Variants in PANK2 observed in about 807,000 individuals in gnomAD.
PANK2 encodes the protein pantothenate kinase 2, mitochondrial.
PANK2 carries 36 observed loss-of-function variants against 43.1 expected under a neutral mutation model. The observed-to-expected ratio is 0.84, with a 90% CI of 0.64 to 1.10. The LOEUF is 1.10. Among genes scored for constraint, PANK2 ranks in the 50% least tolerant of loss-of-function variants. The probability of loss-of-function intolerance (pLI) is 0.00; values close to 1 mark genes in which losing one functional copy is unlikely to be tolerated. For missense variants in PANK2, 576 were observed against 593.3 expected (o/e 0.97, Z 0.30); for synonymous variants, 281 against 238.2 (o/e 1.18, Z -1.66).
rs980797436 is a variant in PANK2 at position 3,909,221 on chromosome 20, C to T, written c.651+943C>T. Among the ~76,000 whole-genome samples, 3 of 152,334 alleles carry T rather than the reference C, an allele frequency of 2.0e-5. No homozygotes were observed. In the South Asian group the frequency reaches 6.2e-4, roughly 32 times the overall value. ...TCAGCCTCCCAAGTAGCTGGGATTA[C>T]AGGCATGTGCCACCACGCCCGGCTA... On this transcript the variant is annotated intron_variant, in intron 2 of 6. Coordinates refer to ENST00000610179, the MANE Select transcript of PANK2 (RefSeq NM_001386393.1).
intron 6 of PANK2, among the ~76,000 whole-genome samples, chr20:3,922,413 C>T (rs1255890397): frequency 1.3e-5 from 2 of 152,246 alleles, no homozygotes. Context: ...TGTCGTCTCT[C>T]AGCTGCTGCT....
At chr20:3,896,863 G>A (rs6139230) in intron 1 of PANK2, among the ~76,000 whole-genome samples, 2 of 152,128 alleles carry the variant, frequency 1.3e-5, no homozygotes, top group African/African-American at 4.8e-5. Context: ...GTGTTTCTTA[G>A]GTTCTGTGAT....
intron 5 of PANK2, among the ~76,000 whole-genome samples, chr20:3,918,172 A>G (rs1217580250): frequency 1.3e-5 from 2 of 152,192 alleles, no homozygotes; most frequent in African/African-American, 2.4e-5. Flanking sequence ...TTAGCGGTGA[A>G]TGAGTGGATT....
At chr20:3,904,678 C>T (rs934969162) in intron 1 of PANK2, among the ~76,000 whole-genome samples, 1 of 151,944 alleles carries the variant, frequency 6.6e-6, no homozygotes, top group African/African-American at 2.4e-5. Flanking sequence ...TTTTTGCAGC[C>T]ACACACATCT....
intron 1 of PANK2, among the ~76,000 whole-genome samples, chr20:3,899,703 C>CTTTTTTTTTTTTTTTTTTTTTTTTT: frequency 1.1e-5 from 1 of 89,026 alleles, no homozygotes; most frequent in Non-Finnish European, 2.2e-5. Context: ...ATCAGTTGTA[C>CTTTTTTTTTTTTTTTTTTTTTTTTT]TTTTTTTTTT....
chr20:3,915,704 G>A (rs71647845), intron 4 of PANK2, among the ~76,000 whole-genome samples: 1,609 of 152,274 alleles, frequency 0.011, 30 homozygotes, highest in African/African-American at 0.036. Flanking sequence ...TGGATATCCA[G>A]TTGTCCTAGT....
rs143807557 is a variant in PANK2 at position 3,902,567 on chromosome 20, C to T, written c.299-5359C>T. On this transcript the variant is annotated intron_variant, in intron 1 of 6. Coordinates refer to ENST00000610179, the MANE Select transcript of PANK2 (RefSeq NM_001386393.1). ...GTGCTAGGATTACAAGCATGAGCCA[C>T]CGCACCTGGCCTAGTTTTTTTTTTT... Among the ~76,000 whole-genome samples, 1,369 of 140,610 alleles carry T rather than the reference C, an allele frequency of 9.7e-3. 25 individuals carry two copies. Among genetic ancestry groups the T allele is most frequent in the African/African-American group, 0.034 (1,293 of 37,942 alleles). The allele number at this position is 140,610 out of a possible 152,430, so 92.2% of individuals were successfully genotyped here. A position where few individuals can be genotyped will look rare whatever the true frequency, so the allele number is the denominator to read the frequency against.
At position 3,927,943 on chromosome 20, in the gene PANK2, T is replaced by TAACA. The variant is rs2090749568; in HGVS notation, c.*4651_*4654dup. 6.6e-6 allele frequency: 1 copy of TAACA among 152,220 alleles called. No homozygotes were observed. Among genetic ancestry groups the TAACA allele is most frequent in the African/African-American group, 2.4e-5 (1 of 41,446 alleles). The allele number at this position is 152,220 out of a possible 1,614,324, so 9.4% of individuals were successfully genotyped here. On this transcript the variant is annotated 3_prime_UTR_variant, in exon 7 of 7. Transcript: ENST00000610179. The stretch of plus-strand genomic sequence containing the variant: ...AAGTGGAGTACATCTTTGCATCTTG[T>TAACA]AACAATTTGGGCTCTACAGCTGAAT...
rs1278653889 is a variant in PANK2, at chr20:3,910,579, A to G, written c.654A>G (p.Ile218Met). The change falls in exon 3 of 7, where the codon ATA becomes ATG. Residue 218 changes from isoleucine (I) to methionine (M), a missense_variant and splice_region_variant. Coordinates refer to ENST00000610179, the MANE Select transcript of PANK2 (RefSeq NM_001386393.1). Reference sequence around the variant, plus strand: ...AGTACATTCTTATTTCATTACAGATAGGTGATCTTCAGCTTTGCAAACTGG... The same window carrying G: ...AGTACATTCTTATTTCATTACAGATGGGTGATCTTCAGCTTTGCAAACTGG... The G allele has an allele frequency of 1.2e-6, 2 of 1,614,016 alleles. No individual in the cohort carries two copies. Among genetic ancestry groups the G allele is most frequent in the South Asian group, 1.1e-5 (1 of 91,086 alleles).
At chr20:3,918,147 C>T (rs1181349806) in intron 5 of PANK2, among the ~76,000 whole-genome samples, 1 of 152,136 alleles carries the variant, frequency 6.6e-6, no homozygotes, top group Non-Finnish European at 1.5e-5. Flanking sequence ...AGGGCTGCAC[C>T]AATTTAGATC....
chr20:3,903,466 CTTTTTTT>C (rs1258746977), intron 1 of PANK2, among the ~76,000 whole-genome samples: 1 of 117,486 alleles, frequency 8.5e-6, no homozygotes, highest in African/African-American at 3.4e-5. Context: ...TCTTCTTTTC[CTTTTTTT>C]TTTTTTTTTT....
chr20:3,912,355 T>G, intron 3 of PANK2, 103 bp from the exon 4 acceptor site: 7 of 1,238,840 alleles, frequency 5.7e-6, no homozygotes, highest in African/African-American at 1.5e-5. Flanking sequence ...ATTTGCATGA[T>G]TGGGTTGGAT....
intron 6 of PANK2, chr20:3,921,247 G>T (rs2090642755): frequency 6.7e-6 from 1 of 148,570 alleles, no homozygotes; most frequent in Admixed American, 6.8e-5. Flanking sequence ...TCCCCTTCCT[G>T]TGTCCAAGTG....
intron 6 of PANK2, among the ~76,000 whole-genome samples, chr20:3,919,535 C>T (rs1289619297): frequency 6.6e-6 from 1 of 152,104 alleles, no homozygotes; most frequent in African/African-American, 2.4e-5. Flanking sequence ...AGACTAGAAC[C>T]ATACTATCAT....
At chr20:3,896,954 C>G (rs1449896545) in intron 1 of PANK2, among the ~76,000 whole-genome samples, 1 of 152,174 alleles carries the variant, frequency 6.6e-6, no homozygotes. Flanking sequence ...GTTCTGGAGG[C>G]CCAGATTGGC....
At chr20:3,894,276 T>C (rs2090169881) in intron 1 of PANK2, among the ~76,000 whole-genome samples, 1 of 151,338 alleles carries the variant, frequency 6.6e-6, no homozygotes, top group Non-Finnish European at 1.5e-5. Context: ...GTTTCACTCT[T>C]GTTGCCCAGG....
intron 6 of PANK2, among the ~76,000 whole-genome samples, chr20:3,922,991 A>G (rs1009306989): frequency 6.6e-6 from 1 of 152,102 alleles, no homozygotes; most frequent in African/African-American, 2.4e-5. Context: ...TGTCGCCCTC[A>G]CTGCGGGTTT....
chr20:3,892,036 CT>C (rs1344674814), intron 1 of PANK2, among the ~76,000 whole-genome samples: 4 of 152,158 alleles, frequency 2.6e-5, no homozygotes, highest in African/African-American at 9.7e-5. Context: ...AGGGGTGCCC[CT>C]GTTAGGTGGA....
At chr20:3,917,170 T>C in intron 5 of PANK2, 120 bp downstream of exon 5, 3 of 1,321,902 alleles carry the variant, frequency 2.3e-6, no homozygotes, top group Non-Finnish European at 3.2e-6. Flanking sequence ...GGGTTTGTTT[T>C]AGCACGAAGT....
Sources: allele counts gnomAD v4.1 joint callset (sites outside exome capture counted in the v4.1 genomes callset), GRCh38; gene constraint gnomAD v4.1.1; transcripts MANE v1.5; gene names NCBI Gene and HGNC (gene_info 2026-07-23, HGNC 2026-07-21).